Variants in SDK1 observed in about 807,000 individuals in gnomAD.
SDK1 encodes the protein sidekick cell adhesion molecule 1.
In SDK1, 157 loss-of-function variants were observed where a neutral mutation model predicts 245.5. The ratio of observed to expected loss-of-function variants is 0.64; its 90% CI spans 0.56 to 0.73. The LOEUF (loss-of-function observed/expected upper bound fraction) is 0.73, where lower values mean the gene tolerates loss of function less well. SDK1 is among the 30% of genes least tolerant of loss of function. SDK1 has a pLI of 0.00. For synonymous variants in SDK1, 1,647 were observed against 1,278.5 expected, an observed-to-expected ratio of 1.29 and a Z score of -6.15; for missense variants, 3,583 against 3,002.3, an observed-to-expected ratio of 1.19 and a Z score of -4.52.
At chr7:3,559,721 C>A (rs1779691086) in intron 1 of SDK1, among the ~76,000 whole-genome samples, 1 of 145,446 alleles carries the variant, frequency 6.9e-6, no homozygotes, top group South Asian at 2.1e-4. Flanking sequence ...CAAGGTAACG[C>A]TGTAAAGTAT....
chr7:3,854,243 A>G (rs1316680056), intron 5 of SDK1, among the ~76,000 whole-genome samples: 1 of 152,182 alleles, frequency 6.6e-6, no homozygotes, highest in Non-Finnish European at 1.5e-5. Context: ...TTCAGTTCAT[A>G]TCTCAACTCT....
intron 41 of SDK1, 114 bp downstream of exon 41, chr7:4,233,533 T>G (rs1785940580): frequency 1.0e-6 from 1 of 992,872 alleles, no homozygotes; most frequent in Non-Finnish European, 1.5e-6. Context: ...AGAAATGGGG[T>G]CGAGGGGGAC....
At chr7:3,624,914 G>T (rs1036817340) in intron 2 of SDK1, among the ~76,000 whole-genome samples, 1 of 152,002 alleles carries the variant, frequency 6.6e-6, no homozygotes, top group African/African-American at 2.4e-5. Context: ...TTGTCGTGGT[G>T]CATGCCTGTA....
intron 4 of SDK1, among the ~76,000 whole-genome samples, chr7:3,802,329 G>A (rs186129772): frequency 6.4e-4 from 97 of 152,090 alleles, no homozygotes; most frequent in African/African-American, 2.3e-3. Context: ...TTCAAGACCG[G>A]CCTGGGCAAC....
At chr7:3,378,880 T>A (rs939494706) in intron 1 of SDK1, among the ~76,000 whole-genome samples, 4 of 152,040 alleles carry the variant, frequency 2.6e-5, no homozygotes, top group African/African-American at 9.7e-5. Flanking sequence ...CTGTCTTCCT[T>A]GTTAGGACCT....
chr7:3,574,031 G>T (rs1435566657), intron 1 of SDK1, among the ~76,000 whole-genome samples: 1 of 151,892 alleles, frequency 6.6e-6, no homozygotes, highest in East Asian at 1.9e-4. Context: ...CTGCAGATAG[G>T]TTGGGTGTTG....
At chr7:3,461,413 A>G (rs1047816434) in intron 1 of SDK1, among the ~76,000 whole-genome samples, 6 of 152,176 alleles carry the variant, frequency 3.9e-5, no homozygotes, top group Non-Finnish European at 7.3e-5. Flanking sequence ...TAACACCCAC[A>G]TCTTCCTGAG....
chr7:3,866,269 G>C (rs1176436240), intron 5 of SDK1, among the ~76,000 whole-genome samples: 1 of 152,140 alleles, frequency 6.6e-6, no homozygotes, highest in African/African-American at 2.4e-5. Flanking sequence ...TCTCACTGGA[G>C]AGGCCCCATT....
chr7:4,015,533 C>T (rs1255876777), intron 16 of SDK1, among the ~76,000 whole-genome samples: 1 of 152,184 alleles, frequency 6.6e-6, no homozygotes, highest in Non-Finnish European at 1.5e-5. Context: ...TGAATCCATG[C>T]CAAGCCTTTC....
chr7:4,030,321 G>T (rs1454772703), intron 17 of SDK1, among the ~76,000 whole-genome samples: 1 of 152,250 alleles, frequency 6.6e-6, no homozygotes, highest in Admixed American at 6.5e-5. Context: ...AACAGCTTAC[G>T]CAGAAGACAG....
intron 19 of SDK1, among the ~76,000 whole-genome samples, chr7:4,061,274 G>A (rs1390170702): frequency 3.3e-5 from 5 of 152,060 alleles, no homozygotes; most frequent in African/African-American, 1.2e-4. Flanking sequence ...CTACCCATGA[G>A]CATGGAATGT....
intron 1 of SDK1, among the ~76,000 whole-genome samples, chr7:3,318,804 G>C (rs1019441103): frequency 1.3e-5 from 2 of 152,168 alleles, no homozygotes; most frequent in Non-Finnish European, 2.9e-5. Flanking sequence ...AACAAAGAAG[G>C]AATATTTTCT....
At chr7:3,780,425 C>G (rs1299853879) in intron 4 of SDK1, among the ~76,000 whole-genome samples, 1 of 152,242 alleles carries the variant, frequency 6.6e-6, no homozygotes, top group Admixed American at 6.5e-5. Flanking sequence ...TGGTTACCAG[C>G]ACATGGATCT....
At chr7:4,099,655 G>C (rs1277153485) in intron 22 of SDK1, among the ~76,000 whole-genome samples, 1 of 140,872 alleles carries the variant, frequency 7.1e-6, no homozygotes, top group African/African-American at 2.6e-5. Context: ...CCCTGGGAGG[G>C]CCATCTCTCC....
At chr7:3,695,511 G>T (rs1381242904) in intron 4 of SDK1, among the ~76,000 whole-genome samples, 1 of 152,102 alleles carries the variant, frequency 6.6e-6, no homozygotes, top group South Asian at 2.1e-4. Flanking sequence ...TTAAAATTCA[G>T]ATTATATCAT....
At chr7:3,583,220 G>C (rs919975742) in intron 1 of SDK1, among the ~76,000 whole-genome samples, 1 of 152,220 alleles carries the variant, frequency 6.6e-6, no homozygotes, top group Non-Finnish European at 1.5e-5. Flanking sequence ...ATTTATGCCT[G>C]AGAGTATGTA....
intron 4 of SDK1, among the ~76,000 whole-genome samples, chr7:3,655,316 C>T (rs1280024474): frequency 6.6e-6 from 1 of 150,582 alleles, no homozygotes; most frequent in Admixed American, 6.6e-5. Context: ...GCTTGTAATC[C>T]CAGCTACTCG....
At position 3,301,271 on chromosome 7, in the gene SDK1, G is replaced by GGGCGGGGGC. The variant is rs1009684783; in HGVS notation, c.-310_-302dup. 5.1e-5 allele frequency among the ~76,000 whole-genome samples: 7 copies of GGGCGGGGGC among 137,534 alleles called. No homozygotes were observed. The highest frequency in any genetic ancestry group is 1.7e-4 in the African/African-American group (6 of 34,836). The allele number at this position is 137,534 out of a possible 152,430, so 90.2% of individuals were successfully genotyped here. Reference sequence around the variant, plus strand: ...GCGGGCGCACTTTCTTCTCAGCGCCGGGCGGGGGCGGCGGCGGCGGCGGCT... The same window carrying GGGCGGGGGC: ...GCGGGCGCACTTTCTTCTCAGCGCCGGGCGGGGGCGGCGGGGGCGGCGGCGGCGGCGGCT... On this transcript the variant is annotated 5_prime_UTR_variant, in exon 1 of 45. Transcript: ENST00000404826.
chr7:3,427,361 A>G (rs1425238677), intron 1 of SDK1, among the ~76,000 whole-genome samples: 1 of 152,020 alleles, frequency 6.6e-6, no homozygotes, highest in Non-Finnish European at 1.5e-5. Flanking sequence ...TGTACTAAAA[A>G]TGCAAAAATT....
Sources: gnomAD v4.1 joint callset for allele counts (sites outside exome capture counted in the v4.1 genomes callset) on GRCh38, gnomAD v4.1.1 for gene constraint, MANE v1.5 for transcripts, NCBI Gene and HGNC (gene_info 2026-07-23, HGNC 2026-07-21) for gene names.